The following DENND2A variants were observed in gnomAD, a reference collection of about 807,000 sequenced individuals.
The protein encoded by DENND2A is DENN domain containing 2A.
DENND2A carries 53 observed loss-of-function variants against 105.3 expected under a neutral mutation model. The observed-to-expected ratio is 0.50, with a 90% CI of 0.40 to 0.63. DENND2A has a LOEUF of 0.63. Among genes scored for constraint, DENND2A ranks in the 30% least tolerant of loss-of-function variants. DENND2A has a pLI of 0.00. For synonymous variants in DENND2A, 522 were observed against 508.4 expected, an observed-to-expected ratio of 1.03 and a Z score of -0.36; for missense variants, 1,138 against 1,279.6, an observed-to-expected ratio of 0.89 and a Z score of 1.69.
chr7:140,634,074 C>T (rs1800832974), intron 1 of DENND2A, among the ~76,000 whole-genome samples: 3 of 151,686 alleles, frequency 2.0e-5, no homozygotes, highest in Non-Finnish European at 4.4e-5. Context: ...CCTCGGCTCA[C>T]TGCAACCTCC....
intron 3 of DENND2A, among the ~76,000 whole-genome samples, chr7:140,599,127 A>G (rs1476829318): frequency 6.6e-6 from 1 of 152,126 alleles, no homozygotes; most frequent in Non-Finnish European, 1.5e-5. Context: ...ACTTGAGGTC[A>G]GGGGTTCGAG....
chr7:140,537,464 CT>C (rs949591946), intron 14 of DENND2A, among the ~76,000 whole-genome samples: 3 of 152,052 alleles, frequency 2.0e-5, no homozygotes, highest in Non-Finnish European at 2.9e-5. Flanking sequence ...TTTTAATTTG[CT>C]TTTTAAAGAC....
intron 14 of DENND2A, among the ~76,000 whole-genome samples, chr7:140,538,380 C>G (rs761486200): frequency 6.6e-6 from 1 of 152,164 alleles, no homozygotes; most frequent in Admixed American, 6.6e-5. Context: ...AGCTGGAAAT[C>G]AGGAGAATAA....
chr7:140,560,159 A>C (rs1015391782), intron 9 of DENND2A, among the ~76,000 whole-genome samples: 1 of 152,234 alleles, frequency 6.6e-6, no homozygotes, highest in Non-Finnish European at 1.5e-5. Context: ...CAGAGCCTCT[A>C]ATCAGGCCTC....
intron 3 of DENND2A, among the ~76,000 whole-genome samples, chr7:140,592,716 C>T (rs1403991450): frequency 6.6e-6 from 1 of 152,112 alleles, no homozygotes; most frequent in Non-Finnish European, 1.5e-5. Flanking sequence ...TCTCCTGCCT[C>T]AGCCTCCTGT....
chr7:140,607,001 C>T (rs964110839), intron 1 of DENND2A, among the ~76,000 whole-genome samples: 12 of 152,154 alleles, frequency 7.9e-5, no homozygotes, highest in African/African-American at 1.9e-4. Context: ...GGATGGGCCA[C>T]GCAGTTCTTC....
intron 5 of DENND2A, 130 bp downstream of exon 5, chr7:140,585,459 G>T: frequency 1.5e-6 from 2 of 1,309,544 alleles, no homozygotes; most frequent in Non-Finnish European, 2.1e-6. Flanking sequence ...AGCCAGCGTT[G>T]TACAAATCCA....
chr7:140,599,054 T>C (rs1232641584), intron 3 of DENND2A, among the ~76,000 whole-genome samples: 2 of 152,126 alleles, frequency 1.3e-5, no homozygotes, highest in Non-Finnish European at 2.9e-5. Flanking sequence ...AAATACATTA[T>C]GGTCTGGGTG....
rs180802710 is a variant in DENND2A, at chr7:140,634,541, G to C, written c.-248+5963C>G. Among the ~76,000 whole-genome samples the C allele has an allele frequency of 2.7e-3, 406 of 152,122 alleles. 2 individuals carry two copies. The highest frequency in any genetic ancestry group is 9.1e-3 in the African/African-American group (377 of 41,512). ...GGCAATGTATTATATTTTGAGTTTT[G>C]TTAACTTTTAAAAGAAAACGTATTA... On this transcript the variant is annotated intron_variant, in intron 1 of 19. Transcript: ENST00000496613.
intron 1 of DENND2A, among the ~76,000 whole-genome samples, chr7:140,625,570 T>C (rs1014806614): frequency 3.3e-5 from 5 of 152,036 alleles, no homozygotes; most frequent in African/African-American, 1.2e-4. Context: ...TAAACTCAGC[T>C]TCTGTGGATG....
intron 13 of DENND2A, among the ~76,000 whole-genome samples, chr7:140,546,504 G>T (rs751449052): frequency 6.6e-6 from 1 of 152,186 alleles, no homozygotes; most frequent in South Asian, 2.1e-4. Context: ...AAGAAAACGG[G>T]CTATTAAAAG....
intron 1 of DENND2A, among the ~76,000 whole-genome samples, chr7:140,638,661 C>G (rs548853192): frequency 6.6e-6 from 1 of 152,224 alleles, no homozygotes; most frequent in African/African-American, 2.4e-5. Flanking sequence ...TACTGCAACC[C>G]GCAGCCACAC....
chr7:140,586,519 G>A (rs573155038), intron 4 of DENND2A, among the ~76,000 whole-genome samples: 6 of 151,876 alleles, frequency 4.0e-5, no homozygotes, highest in Non-Finnish European at 7.4e-5. Flanking sequence ...AGACTGTGCC[G>A]TTGAACTCCT....
chr7:140,521,668 G>A (rs986936976), intron 18 of DENND2A, among the ~76,000 whole-genome samples, 187 bp downstream of exon 18: 2 of 152,182 alleles, frequency 1.3e-5, no homozygotes, highest in African/African-American at 2.4e-5. Context: ...GCTGGCAGAG[G>A]GAACAGAGAA....
intron 1 of DENND2A, among the ~76,000 whole-genome samples, chr7:140,638,850 C>T (rs1456700895): frequency 6.6e-6 from 1 of 152,212 alleles, no homozygotes; most frequent in East Asian, 1.9e-4. Context: ...TGCCCTAGTT[C>T]TATGCCATGC....
chr7:140,545,543 G>T (rs1796860266), intron 13 of DENND2A, among the ~76,000 whole-genome samples: 1 of 152,096 alleles, frequency 6.6e-6, no homozygotes, highest in South Asian at 2.1e-4. Flanking sequence ...TAGAGACAGG[G>T]TTCCACCATG....
At position 140,527,858 on chromosome 7, in the gene DENND2A, G is replaced by A. The variant is rs1400477207; in HGVS notation, c.2328-363C>T. ...TTTATATTTTTAATTTTTTTGAGAC[G>A]GAGTCTCACTCTGTTGCCCAGGCTG... is the stretch of plus-strand genomic sequence containing the variant. On this transcript the variant is annotated intron_variant, in intron 14 of 19. Coordinates refer to ENST00000496613, the MANE Select transcript of DENND2A (RefSeq NM_015689.5). The surrounding 1 kb of genome is among the most constrained non-coding windows in gnomAD (Gnocchi z 4.9). 2.0e-5 allele frequency among the ~76,000 whole-genome samples: 3 copies of A among 151,412 alleles called. No homozygotes were observed. The highest frequency in any genetic ancestry group is 2.1e-4 in the South Asian group (1 of 4,794).
At chr7:140,558,351 C>A in intron 10 of DENND2A, 139 bp from the exon 11 acceptor site, 1 of 609,198 alleles carries the variant, frequency 1.6e-6, no homozygotes, top group Non-Finnish European at 2.9e-6. Flanking sequence ...CCTGTCCCAC[C>A]TGTCCCTGTC....
Position 140,567,100 on chromosome 7 carries a change from G to A in DENND2A, c.1765C>T (p.Gln589Ter). The change falls in exon 9 of 20, where the codon CAG becomes TAG. Residue 589 changes from glutamine to a stop codon, truncating the protein, a stop_gained. Transcript: ENST00000496613. LOFTEE classifies it high-confidence loss of function. ...CACCCTGTTACCTTCAGAGGGAACT[G>A]TTGGGTGAGTTCTGGCACGTAGGCA... ...GAAYVPELTQQFPLKLERSFK... is the reference protein window; with the variant it reads ...GAAYVPELTQ 6.3e-7 allele frequency: 1 copy of A among 1,595,302 alleles called. No individual in the cohort carries two copies. The highest frequency in any genetic ancestry group is 1.3e-5 in the African/African-American group (1 of 74,804).
Sources: gnomAD v4.1 joint callset for allele counts (sites outside exome capture counted in the v4.1 genomes callset) on GRCh38, gnomAD v4.1.1 for gene constraint, Gnocchi (gnomAD v3.1) non-coding constraint, MANE v1.5 for transcripts, NCBI Gene and HGNC (gene_info 2026-07-23, HGNC 2026-07-21) for gene names.